The following RBM34 variants were observed in gnomAD, a reference collection of about 807,000 sequenced individuals.
RBM34 encodes RNA-binding protein 34.
RBM34 carries 39 observed loss-of-function variants against 44.6 expected under a neutral mutation model. That is an observed-to-expected ratio of 0.87 (90% CI 0.68 to 1.14). The LOEUF is 1.14. Among genes scored for constraint, RBM34 ranks in the 50% most tolerant of loss-of-function variants. The pLI is 0.00. For synonymous variants in RBM34, 194 were observed against 184.0 expected, an observed-to-expected ratio of 1.05 and a Z score of -0.44; for missense variants, 572 against 517.9, an observed-to-expected ratio of 1.10 and a Z score of -1.01.
chr1:235,154,935 T>TAGG lies in RBM34; in HGVS notation c.542_543insCCT (p.Arg180_Leu181insPhe). ...CAACAAACACAGTTCTCTCATTCTT[T>TAGG]AATCTCTCTTCTTCTTGGTTGATTT... is the stretch of plus-strand genomic sequence containing the variant. On this transcript the variant is annotated inframe_insertion, in exon 4 of 11. Transcript: ENST00000408888. 6.2e-7 allele frequency: 1 copy of TAGG among 1,614,146 alleles called. No individual in the cohort carries two copies. Among genetic ancestry groups the TAGG allele is most frequent in the Non-Finnish European group, 8.5e-7 (1 of 1,180,012 alleles).
Position 235,134,839 on chromosome 1 carries a change from G to T in RBM34, c.1008+813C>A, listed in dbSNP as rs180785510. Among the ~76,000 whole-genome samples the T allele has an allele frequency of 2.6e-4, 40 of 151,492 alleles. No homozygotes were observed. The East Asian group carries it at 6.8e-3, about 26-fold the overall frequency. On this transcript the variant is annotated intron_variant, in intron 10 of 10. Coordinates refer to ENST00000408888, the MANE Select transcript of RBM34 (RefSeq NM_015014.4). ...GGCTCACCGCAACCTCTGCCTCCCG[G>T]GTTCAAGCGATTGTCCTGCCTCAGC...
intron 5 of RBM34, among the ~76,000 whole-genome samples, chr1:235,148,740 A>G (rs1056705098): frequency 6.6e-6 from 1 of 151,908 alleles, no homozygotes; most frequent in Non-Finnish European, 1.5e-5. Flanking sequence ...CTGGGACTAC[A>G]GGCGCCCGCC....
At chr1:235,142,307 T>C (rs1242519058) in intron 6 of RBM34, among the ~76,000 whole-genome samples, 1 of 152,054 alleles carries the variant, frequency 6.6e-6, no homozygotes, top group African/African-American at 2.4e-5. Context: ...AGACGGAGTT[T>C]CTCTCTTGCA....
intron 5 of RBM34, among the ~76,000 whole-genome samples, chr1:235,149,819 C>A (rs568021789): frequency 2.2e-4 from 33 of 152,268 alleles, no homozygotes; most frequent in Admixed American, 2.0e-3. Context: ...TATTATAAAT[C>A]TTTTCTGGAA....
chr1:235,131,819 C>A lies in RBM34; in HGVS notation c.1187G>T (p.Gly396Val). ...TCCAATAAATAAGCTTTTAGGATGT[C>A]CTTCTGCAGTTTTGGAAGTAAAATT... is the stretch of plus-strand genomic sequence containing the variant. ...GLNFTSKTAE[G>V]HPKSLFIGEK... The change falls in exon 11 of 11, where the codon GGA becomes GTA. Residue 396 changes from glycine to valine, a missense_variant. Physicochemically the swap from Gly to Val is moderately radical, Grantham distance 109. Transcript: ENST00000408888. 1 of 1,614,096 alleles carries A rather than the reference C, an allele frequency of 6.2e-7. No homozygotes were observed. Among genetic ancestry groups the A allele is most frequent in the Non-Finnish European group, 8.5e-7 (1 of 1,179,996 alleles).
At chr1:235,141,697 G>A (rs1368344649) in intron 6 of RBM34, among the ~76,000 whole-genome samples, 1 of 152,172 alleles carries the variant, frequency 6.6e-6, no homozygotes, top group Non-Finnish European at 1.5e-5. Flanking sequence ...AAGATCTGCA[G>A]CTTCACTCCT....
chr1:235,135,451 A>T (rs1435931709), intron 10 of RBM34, among the ~76,000 whole-genome samples: 1 of 150,348 alleles, frequency 6.7e-6, no homozygotes. Flanking sequence ...CTGGTCTCAA[A>T]CTCCTGAGCT....
chr1:235,155,643 T>C (rs1009738613), intron 3 of RBM34, among the ~76,000 whole-genome samples: 1 of 150,442 alleles, frequency 6.6e-6, no homozygotes, highest in African/African-American at 2.5e-5. Flanking sequence ...TAGCTGGGAT[T>C]ACAGGTGGCT....
At chr1:235,134,334 ATTT>A (rs755439669) in intron 10 of RBM34, among the ~76,000 whole-genome samples, 2 of 151,838 alleles carry the variant, frequency 1.3e-5, no homozygotes, top group South Asian at 2.1e-4. Context: ...TTACTTGTAT[ATTT>A]TTTTGTAGAG....
chr1:235,160,665 G>C lies in RBM34; in HGVS notation c.229-18C>G, dbSNP rs1461152305. 6.2e-7 allele frequency: 1 copy of C among 1,607,336 alleles called. No homozygotes were observed. The highest frequency in any genetic ancestry group is 1.3e-5 in the African/African-American group (1 of 74,354). ...ATGGTTTGCTTTTTAAAAGTTTGAA[G>C]TTATATTTGAGACCCCATACTTCTA... On this transcript the variant is annotated intron_variant, in intron 2 of 10. Coordinates refer to ENST00000408888, the MANE Select transcript of RBM34 (RefSeq NM_015014.4).
chr1:235,140,716 G>A (rs1394004774), intron 6 of RBM34, among the ~76,000 whole-genome samples: 3 of 152,248 alleles, frequency 2.0e-5, no homozygotes, highest in African/African-American at 2.4e-5. Flanking sequence ...TCCACCTGCA[G>A]CCCCGGTGCA....
chr1:235,132,511 G>A (rs528619979), intron 10 of RBM34, among the ~76,000 whole-genome samples: 28 of 152,198 alleles, frequency 1.8e-4, no homozygotes, highest in African/African-American at 4.8e-4. Flanking sequence ...GTTTCACCAC[G>A]TTAGCCAGAA....
At chr1:235,148,340 C>T in intron 6 of RBM34, 64 bp downstream of exon 6, 2 of 1,267,416 alleles carry the variant, frequency 1.6e-6, no homozygotes, top group East Asian at 2.4e-5. Context: ...AAGAAATGGT[C>T]TCACTTTTTA....
At position 235,160,875 on chromosome 1, in the gene RBM34, G is replaced by A. The variant is rs566243216; in HGVS notation, c.228+18C>T. ...GTGGTTCTAACGAGCTATTCGGGAA[G>A]AAAGCCCAGTGACTTACTTTAGGCA... is the stretch of plus-strand genomic sequence containing the variant. On this transcript the variant is annotated intron_variant, in intron 2 of 10. Transcript: ENST00000408888. 2 of 1,611,836 alleles carry A rather than the reference G, an allele frequency of 1.2e-6. No individual in the cohort carries two copies. Among genetic ancestry groups the A allele is most frequent in the African/African-American group, 1.3e-5 (1 of 74,926 alleles).
chr1:235,158,559 G>A (rs1381165780), intron 3 of RBM34, among the ~76,000 whole-genome samples: 1 of 152,148 alleles, frequency 6.6e-6, no homozygotes, highest in Non-Finnish European at 1.5e-5. Context: ...TGGACAAGAG[G>A]GAAGACACTC....
intron 2 of RBM34, 77 bp from the exon 3 acceptor site, chr1:235,160,724 T>C: frequency 6.5e-7 from 1 of 1,542,046 alleles, no homozygotes. Context: ...TCAGTCTTTC[T>C]AAATGAGAAT....
intron 3 of RBM34, among the ~76,000 whole-genome samples, chr1:235,159,512 C>A (rs1241135004): frequency 4.0e-5 from 6 of 149,666 alleles, no homozygotes; most frequent in Non-Finnish European, 5.9e-5. Context: ...TGCGCCACTG[C>A]ACTCCAGCCT....
In RBM34 at chr1:235,135,725, C is replaced by T. The variant is rs1661402403; in HGVS notation, c.935G>A (p.Ser312Asn). Residue 312 changes from serine to asparagine, a missense_variant, in exon 10 of 11, where the codon AGT becomes AAT. Physicochemically the swap from Ser to Asn is conservative, Grantham distance 46 (BLOSUM62 1). Coordinates refer to ENST00000408888, the MANE Select transcript of RBM34 (RefSeq NM_015014.4). ...TCTCACAATCCTCACGGCCATGATA[C>T]TTCCACAGTCCAGAAAGTGCTTCTC... ...AIEKHFLDCG[S>N]IMAVRIVRDK... 6.2e-7 allele frequency: 1 copy of T among 1,614,224 alleles called. No individual in the cohort carries two copies. The highest frequency in any genetic ancestry group is 1.1e-5 in the South Asian group (1 of 91,086).
chr1:235,155,414 T>G (rs1177759529), intron 3 of RBM34, among the ~76,000 whole-genome samples: 1 of 151,350 alleles, frequency 6.6e-6, no homozygotes, highest in Non-Finnish European at 1.5e-5. Context: ...TAATCACAGC[T>G]CACTGCAGCC....
Sources: allele counts gnomAD v4.1 joint callset (sites outside exome capture counted in the v4.1 genomes callset), GRCh38; gene constraint gnomAD v4.1.1; transcripts MANE v1.5; gene names NCBI Gene and HGNC (gene_info 2026-07-23, HGNC 2026-07-21).